PRH1: variants seen among roughly 807,000 people sequenced by gnomAD.
PRH1 encodes proline rich protein HaeIII subfamily 1.
In PRH1, 7 loss-of-function variants were observed where a neutral mutation model predicts 7.9. The observed-to-expected ratio is 0.89, with a 90% CI of 0.50 to 1.67. The LOEUF (loss-of-function observed/expected upper bound fraction) is 1.67. Among genes scored for constraint, PRH1 ranks in the 40% most tolerant of loss-of-function variants. The probability of loss-of-function intolerance (pLI) is 0.00; values close to 1 mark genes in which losing one functional copy is unlikely to be tolerated. For synonymous variants in PRH1, 45 were observed against 80.8 expected (o/e 0.56, Z 2.38); for missense variants, 109 against 223.6 (o/e 0.49, Z 3.27).
chr12:10,974,619 A>G (rs1371224369), intron 1 of PRH1, among the ~76,000 whole-genome samples: 3 of 152,198 alleles, frequency 2.0e-5, no homozygotes, highest in African/African-American at 4.8e-5. Flanking sequence ...CAAAGAAGAT[A>G]AAAGAAAAAA....
intron 1 of PRH1, among the ~76,000 whole-genome samples, chr12:11,037,572 T>C (rs1345091057): frequency 2.0e-5 from 3 of 152,262 alleles, no homozygotes; most frequent in Admixed American, 2.0e-4. Flanking sequence ...GTATAATTTA[T>C]TGGAAATTCA....
rs200362524 is a variant in PRH1 at position 10,979,481 on chromosome 12, GGT to G, written c.-125-5762_-125-5761del. Among the ~76,000 whole-genome samples the G allele has an allele frequency of 8.3e-3, 1,258 of 152,282 alleles. 21 individuals are homozygous for G. Among genetic ancestry groups the G allele is most frequent in the African/African-American group, 0.029 (1,199 of 41,558 alleles). ...AATGTTGCTAGCATGGGATGAGCCA[GGT>G]GTGTTTTAGGACAGACAGGCAGACA... On this transcript the variant is annotated intron_variant, in intron 1 of 3. Coordinates refer to the PRH1 transcript ENST00000539853.
intron 1 of PRH1, among the ~76,000 whole-genome samples, chr12:11,145,859 C>A (rs1946845231): frequency 1.3e-5 from 2 of 152,060 alleles, no homozygotes; most frequent in Admixed American, 1.3e-4. Context: ...TATAATGAAG[C>A]ATTATAATGT....
At position 11,091,922 on chromosome 12, in the gene PRH1, C is replaced by T. The variant is rs1333613806; in HGVS notation, n.124-44734G>A. The T allele has an allele frequency of 4.9e-6, 6 of 1,231,944 alleles. 1 individual carries two copies. The highest frequency in any genetic ancestry group is 6.9e-6 in the Non-Finnish European group (6 of 868,966). The allele number at this position is 1,231,944 out of a possible 1,614,324, so 76.3% of individuals were successfully genotyped here. ...GGCAATCTTGAGCAAATAAAATATG[C>T]TGAGGGTAGTAGCAAGCCAGTTGCT... On this transcript the variant is annotated intron_variant and non_coding_transcript_variant, in intron 1 of 4. Transcript: ENST00000541977.
intron 1 of PRH1, chr12:11,097,147 A>G: frequency 5.5e-6 from 1 of 181,580 alleles, no homozygotes; most frequent in South Asian, 4.0e-5. Flanking sequence ...TATAACAATC[A>G]TTAAAATATC....
At chr12:10,915,152 A>G (rs906800148) in intron 2 of PRH1, among the ~76,000 whole-genome samples, 4 of 152,156 alleles carry the variant, frequency 2.6e-5, no homozygotes, top group Admixed American at 6.5e-5. Flanking sequence ...CAAACAAACA[A>G]AAAAACTCAG....
chr12:10,900,147 C>T (rs1336752948), intron 2 of PRH1, among the ~76,000 whole-genome samples: 3 of 152,074 alleles, frequency 2.0e-5, no homozygotes, highest in Non-Finnish European at 2.9e-5. Context: ...CATGATGGCA[C>T]CCAGTTAAAA....
chr12:10,939,624 A>C (rs1950362929), intron 2 of PRH1, among the ~76,000 whole-genome samples: 1 of 150,862 alleles, frequency 6.6e-6, no homozygotes, highest in African/African-American at 2.4e-5. Context: ...GTATCATTAC[A>C]AAAATTGGTA....
chr12:10,975,102 C>T (rs1430172945), intron 1 of PRH1, among the ~76,000 whole-genome samples: 1 of 152,016 alleles, frequency 6.6e-6, no homozygotes, highest in African/African-American at 2.4e-5. Flanking sequence ...AAGACCATCC[C>T]CAAGGCACAT....
At chr12:10,956,560 TCC>T (rs1356405161) in intron 2 of PRH1, among the ~76,000 whole-genome samples, 23 of 152,138 alleles carry the variant, frequency 1.5e-4, no homozygotes, top group African/African-American at 5.5e-4. Flanking sequence ...GTACTGGAAG[TCC>T]TGGTCAAAGC....
At chr12:11,057,421 T>C (rs1415687054) in intron 1 of PRH1, among the ~76,000 whole-genome samples, 1 of 152,240 alleles carries the variant, frequency 6.6e-6, no homozygotes, top group Non-Finnish European at 1.5e-5. Flanking sequence ...TGGATACGTA[T>C]GGCAGCTGGC....
intron 1 of PRH1, among the ~76,000 whole-genome samples, chr12:11,069,309 T>C (rs1294565233): frequency 2.0e-4 from 30 of 152,104 alleles, no homozygotes. Flanking sequence ...AAATAATTAA[T>C]ATAAATGGAT....
intron 1 of PRH1, among the ~76,000 whole-genome samples, chr12:11,123,803 GTC>G (rs1169566138): frequency 2.0e-5 from 3 of 152,014 alleles, no homozygotes; most frequent in Non-Finnish European, 2.9e-5. Flanking sequence ...GGTTAACTCT[GTC>G]TATTGGATTC....
At chr12:10,950,830 CAA>C (rs202134446) in intron 2 of PRH1, among the ~76,000 whole-genome samples, 3,004 of 151,768 alleles carry the variant, frequency 0.02, 34 homozygotes, top group South Asian at 0.032. Context: ...TAGGAAAATA[CAA>C]ATTCTATCAT....
intron 1 of PRH1, among the ~76,000 whole-genome samples, chr12:11,019,505 A>G (rs1868767): frequency 0.018 from 2,695 of 152,042 alleles, no homozygotes; most frequent in South Asian, 0.028. Flanking sequence ...CCATGCGTTT[A>G]TAACATGGCA....
chr12:11,088,507 A>G (rs1435111244), intron 1 of PRH1, among the ~76,000 whole-genome samples: 1 of 106,870 alleles, frequency 9.4e-6, no homozygotes, highest in African/African-American at 3.2e-5. Context: ...GTGATGTTTT[A>G]AAGCATTCAG....
intron 1 of PRH1, among the ~76,000 whole-genome samples, chr12:11,088,111 C>T (rs558392457): frequency 8.6e-5 from 11 of 128,402 alleles, no homozygotes; most frequent in South Asian, 2.3e-4. Context: ...GAGGCCGACA[C>T]GGGAAGATCA....
chr12:10,904,809 G>T lies in PRH1; in HGVS notation c.-58-20534C>A, dbSNP rs1372053456. On this transcript the variant is annotated intron_variant, in intron 2 of 3. Coordinates refer to the PRH1 transcript ENST00000539853. ...GGGTCTAATATCCCAAATCTATAAG[G>T]AATGGAAACAATTGAACAAGCAGAA... Among the ~76,000 whole-genome samples the T allele has an allele frequency of 5.3e-5, 8 of 152,120 alleles. No individual in the cohort carries two copies. In the East Asian group the frequency reaches 1.5e-3, roughly 29 times the overall value.
chr12:11,122,131 G>C (rs1035686505), intron 1 of PRH1, among the ~76,000 whole-genome samples: 3 of 137,698 alleles, frequency 2.2e-5, no homozygotes, highest in African/African-American at 7.7e-5. Context: ...TTGCTTCAAT[G>C]AACAGGAAAT....
Sources: gnomAD v4.1 joint callset for allele counts (sites outside exome capture counted in the v4.1 genomes callset) on GRCh38, gnomAD v4.1.1 for gene constraint, MANE v1.5 for transcripts, NCBI Gene and HGNC (gene_info 2026-07-23, HGNC 2026-07-21) for gene names.